Variants in FKBP5 observed in about 807,000 individuals in gnomAD.
The protein encoded by FKBP5 is peptidyl-prolyl cis-trans isomerase FKBP5.
A neutral mutation model predicts 50.5 loss-of-function variants in FKBP5; 23 were observed. The observed-to-expected ratio is 0.46, with a 90% CI of 0.33 to 0.65. FKBP5 has a LOEUF of 0.65. FKBP5 is among the 30% of genes least tolerant of loss of function. FKBP5 has a pLI of 0.02. For missense variants in FKBP5, 411 were observed against 553.1 expected, an observed-to-expected ratio of 0.74 and a Z score of 2.58; for synonymous variants, 176 against 190.6, an observed-to-expected ratio of 0.92 and a Z score of 0.63.
intron 8 of FKBP5, chr6:35,585,634 T>A (rs1191428550): frequency 1.1e-6 from 1 of 951,910 alleles, no homozygotes; most frequent in Non-Finnish European, 1.3e-6. Context: ...TAGTAAATAA[T>A]GATAAATAAC....
intron 1 of FKBP5, among the ~76,000 whole-genome samples, chr6:35,686,112 C>T (rs368006947): frequency 1.3e-5 from 2 of 151,390 alleles, no homozygotes; most frequent in East Asian, 2.0e-4. Flanking sequence ...TACTTACTAT[C>T]ACCTCCAAAC....
chr6:35,694,797 T>C (rs1302896507), intron 2 of FKBP5, among the ~76,000 whole-genome samples: 3 of 152,194 alleles, frequency 2.0e-5, no homozygotes, highest in Admixed American at 2.0e-4. Context: ...TAGTTATGTA[T>C]TGCTTCATAG....
intron 8 of FKBP5, 78 bp downstream of exon 8, chr6:35,586,956 G>A (rs1762619669): frequency 5.6e-6 from 9 of 1,604,428 alleles, no homozygotes; most frequent in Non-Finnish European, 6.8e-6. Flanking sequence ...AAAATTCAGA[G>A]TAGGGAATAT....
chr6:35,585,234 T>C (rs139926608), intron 8 of FKBP5: 164 of 977,938 alleles, frequency 1.7e-4, no homozygotes, highest in African/African-American at 1.5e-3. Flanking sequence ...TTCGGAAATA[T>C]AGAAAATACT....
At chr6:35,601,411 T>G (rs1376551702) in intron 5 of FKBP5, among the ~76,000 whole-genome samples, 1 of 152,180 alleles carries the variant, frequency 6.6e-6, no homozygotes, top group Non-Finnish European at 1.5e-5. Context: ...GGAACACTGA[T>G]GTGAAAAGTT....
At chr6:35,683,047 A>T (rs181935028) in intron 1 of FKBP5, among the ~76,000 whole-genome samples, 28 of 150,982 alleles carry the variant, frequency 1.9e-4, no homozygotes, top group African/African-American at 6.3e-4. Flanking sequence ...TCTTTTTCTT[A>T]AAAAAAGTAT....
At chr6:35,623,136 G>A (rs1025688226) in intron 3 of FKBP5, among the ~76,000 whole-genome samples, 3 of 152,198 alleles carry the variant, frequency 2.0e-5, no homozygotes, top group Non-Finnish European at 2.9e-5. Flanking sequence ...CAGCTACTCC[G>A]GAGGCTGAGG....
upstream of FKBP5, among the ~76,000 whole-genome samples, chr6:35,693,872 AC>A (rs1766041502): frequency 6.6e-6 from 1 of 151,752 alleles, no homozygotes; most frequent in Non-Finnish European, 1.5e-5. Flanking sequence ...ATTTCCCAGT[AC>A]CCTGCTATAA....
At chr6:35,706,190 G>A (rs895449225) in intron 2 of FKBP5, among the ~76,000 whole-genome samples, 2 of 152,228 alleles carry the variant, frequency 1.3e-5, no homozygotes, top group Middle Eastern at 3.4e-3. Context: ...TTGGGAGGCC[G>A]AGACGGGCAG....
intron 1 of FKBP5, among the ~76,000 whole-genome samples, chr6:35,687,541 C>T (rs1173248964): frequency 1.3e-5 from 2 of 152,144 alleles, no homozygotes; most frequent in Non-Finnish European, 2.9e-5. Flanking sequence ...ATTAAAAATA[C>T]TTAACCAAAA....
chr6:35,586,655 G>C (rs1032637269), intron 8 of FKBP5: 1 of 1,015,050 alleles, frequency 9.9e-7, no homozygotes, highest in South Asian at 4.5e-5. Context: ...TTACCCTTAT[G>C]AATTCCATTC....
intron 1 of FKBP5, among the ~76,000 whole-genome samples, chr6:35,683,762 C>A (rs958005378): frequency 6.7e-6 from 1 of 149,624 alleles, no homozygotes; most frequent in East Asian, 2.0e-4. Context: ...AGAATTTGGA[C>A]ATTCCTAGGC....
intron 1 of FKBP5, among the ~76,000 whole-genome samples, chr6:35,728,222 C>T (rs1766762972): frequency 6.6e-6 from 1 of 152,202 alleles, no homozygotes; most frequent in African/African-American, 2.4e-5. Flanking sequence ...ACCGCTCTTG[C>T]AGCCTGCGGT....
intron 3 of FKBP5, among the ~76,000 whole-genome samples, chr6:35,635,366 C>T (rs1764280294): frequency 6.6e-6 from 1 of 151,672 alleles, no homozygotes; most frequent in South Asian, 2.1e-4. Context: ...CAGCTATTTG[C>T]GGGGCTGAGT....
intron 2 of FKBP5, among the ~76,000 whole-genome samples, chr6:35,638,552 A>G (rs1361093043): frequency 6.6e-6 from 1 of 152,028 alleles, no homozygotes; most frequent in African/African-American, 2.4e-5. Flanking sequence ...CGAGTAGCAG[A>G]GACTACAGGC....
Position 35,642,883 on chromosome 6 carries a change from C to G in FKBP5, c.-19-40G>C, listed in dbSNP as rs1764535354. 3.5e-6 allele frequency: 5 copies of G among 1,439,770 alleles called. No homozygotes were observed. The South Asian group carries it at 5.8e-5, about 17-fold the overall frequency. The allele number at this position is 1,439,770 out of a possible 1,614,324, so 89.2% of individuals were successfully genotyped here. A position where few individuals can be genotyped will look rare whatever the true frequency, so the allele number is the denominator to read the frequency against. ...AATATTTTAGCTGGGAAAAATATCA[C>G]TTCTTTATGAATCTTGAATGTCCCT... On this transcript the variant is annotated intron_variant, in intron 1 of 10. Coordinates refer to ENST00000357266, the MANE Select transcript of FKBP5 (RefSeq NM_004117.4).
At chr6:35,710,722 C>T (rs1766397815) in intron 2 of FKBP5, among the ~76,000 whole-genome samples, 2 of 152,060 alleles carry the variant, frequency 1.3e-5, no homozygotes, top group African/African-American at 4.8e-5. Flanking sequence ...CATAATAGCC[C>T]AAAATGACAA....
intron 8 of FKBP5, chr6:35,582,508 G>A: frequency 2.5e-6 from 1 of 400,612 alleles, no homozygotes. Context: ...ATGTGGAAAG[G>A]CCATGTGAGA....
chr6:35,602,776 G>T lies in FKBP5; in HGVS notation c.509-5372C>A, dbSNP rs1300888430. Reference sequence around the variant, plus strand: ...CCACTGTAAGATTGCTTACAGAACTGACGGACAGATGCTAACAGGCGTGGA... The same window carrying T: ...CCACTGTAAGATTGCTTACAGAACTTACGGACAGATGCTAACAGGCGTGGA... On this transcript the variant is annotated intron_variant, in intron 5 of 10. Coordinates refer to ENST00000357266, the MANE Select transcript of FKBP5 (RefSeq NM_004117.4). Among the ~76,000 whole-genome samples the T allele has an allele frequency of 1.3e-4, 20 of 152,158 alleles. No homozygotes were observed. In the South Asian group the frequency reaches 4.1e-3, roughly 32 times the overall value.
Sources: gnomAD v4.1 joint callset for allele counts (sites outside exome capture counted in the v4.1 genomes callset) on GRCh38, gnomAD v4.1.1 for gene constraint, MANE v1.5 for transcripts, NCBI Gene and HGNC (gene_info 2026-07-23, HGNC 2026-07-21) for gene names.